Variants in ANKIB1 observed in about 807,000 individuals in gnomAD.
The protein encoded by ANKIB1 is ankyrin repeat and IBR domain containing 1, also known as ankyrin repeat and IBR domain-containing protein 1.
Under a neutral mutation model 122.1 loss-of-function variants are expected in ANKIB1, and 43 were observed. The observed-to-expected ratio is 0.35, with a 90% CI of 0.28 to 0.45. ANKIB1 has a LOEUF of 0.45. ANKIB1 is among the 20% of genes least tolerant of loss of function. The pLI, the probability that ANKIB1 is intolerant of heterozygous loss-of-function variation, is 1.00. For synonymous variants in ANKIB1, 390 were observed against 442.0 expected (o/e 0.88, Z 1.48); for missense variants, 992 against 1,329.5 (o/e 0.75, Z 3.95).
intron 3 of ANKIB1, among the ~76,000 whole-genome samples, chr7:92,312,587 A>G (rs1209800057): frequency 6.6e-6 from 1 of 152,182 alleles, no homozygotes; most frequent in Non-Finnish European, 1.5e-5. Context: ...TTCGTATGTC[A>G]TGAAATAATT....
Position 92,376,761 on chromosome 7 carries a change from T to C in ANKIB1, c.1617+5154T>C, listed in dbSNP as rs903251697. Among the ~76,000 whole-genome samples the C allele has an allele frequency of 5.3e-5, 8 of 152,224 alleles. No individual in the cohort carries two copies. The South Asian group carries it at 1.2e-3, about 24-fold the overall frequency. ...ACCGTGCCCGGCCTACCTTGCACTT[T>C]TATATTATGAAGATGGCATCTTTCC... On this transcript the variant is annotated intron_variant, in intron 11 of 19. Transcript: ENST00000265742.
rs138669802 is a variant in ANKIB1 at position 92,353,403 on chromosome 7, C to T, written c.1397+761C>T. ...TATATATGTGTCAGCCATCAGCACT[C>T]TACTTATTCATAGAAGATTCAGTTA... On this transcript the variant is annotated intron_variant, in intron 9 of 19. Coordinates refer to ENST00000265742, the MANE Select transcript of ANKIB1 (RefSeq NM_019004.2). Among the ~76,000 whole-genome samples, 126 of 152,254 alleles carry T rather than the reference C, an allele frequency of 8.3e-4. 2 individuals are homozygous for T. The highest frequency in any genetic ancestry group is 3.0e-3 in the African/African-American group (126 of 41,544).
At chr7:92,250,466 GA>G (rs2131870246) in intron 1 of ANKIB1, among the ~76,000 whole-genome samples, 1 of 152,322 alleles carries the variant, frequency 6.6e-6, no homozygotes, top group East Asian at 1.9e-4. Flanking sequence ...TTAAACTTTT[GA>G]AAAGACATAA....
chr7:92,384,592 G>T (rs1804591917), intron 11 of ANKIB1, among the ~76,000 whole-genome samples: 2 of 152,014 alleles, frequency 1.3e-5, no homozygotes, highest in African/African-American at 4.8e-5. Context: ...TGCATCCACA[G>T]CCATCTGATC....
Position 92,343,237 on chromosome 7 carries a change from G to A in ANKIB1, c.996+5G>A, listed in dbSNP as rs1431814942. ...GGGGATTTAGACACCAGTTTGGTATGGTTTGGTATTCACTGTACTTCTCAT... is the reference window on the plus strand; with the variant it reads ...GGGGATTTAGACACCAGTTTGGTATAGTTTGGTATTCACTGTACTTCTCAT... On this transcript the variant is annotated splice_donor_5th_base_variant and intron_variant, in intron 6 of 19. Transcript: ENST00000265742. 1.1e-5 allele frequency: 18 copies of A among 1,611,636 alleles called. No individual in the cohort carries two copies. The highest frequency in any genetic ancestry group is 1.4e-5 in the Non-Finnish European group (17 of 1,178,254).
At position 92,390,093 on chromosome 7, in the gene ANKIB1, A is replaced by G. The variant is rs773581680; in HGVS notation, c.2029A>G (p.Lys677Glu). Residue 677 changes from lysine (K) to glutamate (E), a missense_variant, in exon 15 of 20, where the codon AAA becomes GAA. By Grantham distance (56) the Lys-to-Glu change is moderately conservative. Coordinates refer to ENST00000265742, the MANE Select transcript of ANKIB1 (RefSeq NM_019004.2). ...TTTCTTGGAACCTAAAAGCACAAAG[A>G]AAGAAATTTTTGAACTAATGCAAGT... ...GFFLEPKSTK[K>E]EIFELMQTDL... 6.3e-7 allele frequency: 1 copy of G among 1,583,366 alleles called. No homozygotes were observed. Among genetic ancestry groups the G allele is most frequent in the South Asian group, 1.2e-5 (1 of 83,400 alleles).
chr7:92,336,142 C>T (rs1165949292), intron 5 of ANKIB1, among the ~76,000 whole-genome samples: 1 of 151,944 alleles, frequency 6.6e-6, no homozygotes, highest in Non-Finnish European at 1.5e-5. Context: ...TTGCTTTAAT[C>T]AGCCATATGT....
intron 3 of ANKIB1, among the ~76,000 whole-genome samples, chr7:92,313,462 T>C (rs575179639): frequency 1.3e-4 from 20 of 152,212 alleles, no homozygotes; most frequent in Admixed American, 5.2e-4. Context: ...TAACTTTGCC[T>C]GTCTGGGCCT....
intron 1 of ANKIB1, among the ~76,000 whole-genome samples, chr7:92,266,837 A>G (rs1801681404): frequency 6.6e-6 from 1 of 152,226 alleles, no homozygotes; most frequent in Admixed American, 6.5e-5. Flanking sequence ...AAACCAGGAA[A>G]AGAATCCTTT....
rs910231314 is a variant in ANKIB1 at position 92,377,380 on chromosome 7, G to A, written c.1617+5773G>A. On this transcript the variant is annotated intron_variant, in intron 11 of 19. Coordinates refer to ENST00000265742, the MANE Select transcript of ANKIB1 (RefSeq NM_019004.2). ...TGGGCATGGTTCATGGTGTCCCCCA[G>A]ATATTACAATAGTAACATCAAATAT... Among the ~76,000 whole-genome samples, 48 of 152,196 alleles carry A rather than the reference G, an allele frequency of 3.2e-4. 1 individual carries two copies. Among genetic ancestry groups the A allele is most frequent in the African/African-American group, 9.9e-4 (41 of 41,528 alleles).
intron 1 of ANKIB1, among the ~76,000 whole-genome samples, chr7:92,281,808 A>G (rs1261967391): frequency 2.0e-5 from 3 of 152,132 alleles, no homozygotes; most frequent in East Asian, 1.9e-4. Context: ...TACAGCAGCA[A>G]TTTGTAGTTG....
At chr7:92,349,359 C>G (rs1017051220) in intron 7 of ANKIB1, among the ~76,000 whole-genome samples, 1 of 152,060 alleles carries the variant, frequency 6.6e-6, no homozygotes, top group Non-Finnish European at 1.5e-5. Context: ...CTATGAATTG[C>G]CCAGACGAGG....
intron 1 of ANKIB1, among the ~76,000 whole-genome samples, chr7:92,260,370 C>T (rs547048339): frequency 6.6e-6 from 1 of 152,292 alleles, no homozygotes; most frequent in South Asian, 2.1e-4. Flanking sequence ...ACATCACCTT[C>T]TTTAGCTCGT....
chr7:92,360,793 C>T (rs1803925111), intron 9 of ANKIB1, among the ~76,000 whole-genome samples: 2 of 152,192 alleles, frequency 1.3e-5, no homozygotes, highest in Non-Finnish European at 2.9e-5. Context: ...ATAATCGATG[C>T]ATTCTTAATT....
At chr7:92,333,885 G>A (rs541600958) in intron 5 of ANKIB1, among the ~76,000 whole-genome samples, 3 of 152,086 alleles carry the variant, frequency 2.0e-5, no homozygotes, top group South Asian at 4.1e-4. Flanking sequence ...GGAAATTTTT[G>A]AAAAATAATA....
rs141813467 is a variant in ANKIB1 at position 92,293,102 on chromosome 7, A to T, written c.-90-1787A>T. ...CCAGAATAGGCTTGGCAGACATCTT[A>T]CTCTGATACTTAGCTGCAGGGCACC... On this transcript the variant is annotated intron_variant, in intron 1 of 19. Coordinates refer to ENST00000265742, the MANE Select transcript of ANKIB1 (RefSeq NM_019004.2). Among the ~76,000 whole-genome samples the T allele has an allele frequency of 2.8e-3, 424 of 152,288 alleles. 2 individuals are homozygous for T. The highest frequency in any genetic ancestry group is 9.5e-3 in the African/African-American group (396 of 41,554).
At chr7:92,307,724 G>GTTTTT in intron 3 of ANKIB1, 68 bp downstream of exon 3, 1 of 935,612 alleles carries the variant, frequency 1.1e-6, no homozygotes, top group East Asian at 3.7e-5. Context: ...TAACTGTCAG[G>GTTTTT]TTTTTTTTTT....
chr7:92,289,157 A>G (rs1802197133), intron 1 of ANKIB1, among the ~76,000 whole-genome samples: 1 of 152,240 alleles, frequency 6.6e-6, no homozygotes, highest in Non-Finnish European at 1.5e-5. Context: ...TGGTATACCC[A>G]TACAGTGGAA....
intron 5 of ANKIB1, among the ~76,000 whole-genome samples, chr7:92,340,925 A>C (rs1418243541): frequency 6.6e-6 from 1 of 152,228 alleles, no homozygotes. Context: ...ACAGTGAACT[A>C]TAAGTTTATA....
Sources: allele counts gnomAD v4.1 joint callset (sites outside exome capture counted in the v4.1 genomes callset), GRCh38; gene constraint gnomAD v4.1.1; transcripts MANE v1.5; gene names NCBI Gene and HGNC (gene_info 2026-07-23, HGNC 2026-07-21).